The following NOTCH4 variants were observed in gnomAD, a reference collection of about 807,000 sequenced individuals.
NOTCH4 encodes the protein neurogenic locus notch homolog protein 4.
A neutral mutation model predicts 189.0 loss-of-function variants in NOTCH4; 138 were observed. The observed-to-expected ratio is 0.73, with a 90% CI of 0.64 to 0.84. NOTCH4 has a LOEUF of 0.84. Among genes scored for constraint, NOTCH4 ranks in the 40% least tolerant of loss-of-function variants. The pLI, the probability that NOTCH4 is intolerant of heterozygous loss-of-function variation, is 0.00. For synonymous variants in NOTCH4, 942 were observed against 1,032.8 expected (o/e 0.91, Z 1.69); for missense variants, 2,286 against 2,605.4 (o/e 0.88, Z 2.67).
chr6:32,195,364 A>T lies in NOTCH4; in HGVS notation c.*73T>A. Reference sequence around the variant, plus strand: ...CCTTCATTTTGGGGGATCCATCTTAAAACCAGGAAGGCCTTCCAGCCTGCC... The same window carrying T: ...CCTTCATTTTGGGGGATCCATCTTATAACCAGGAAGGCCTTCCAGCCTGCC... On this transcript the variant is annotated 3_prime_UTR_variant, in exon 30 of 30. Coordinates refer to ENST00000375023, the MANE Select transcript of NOTCH4 (RefSeq NM_004557.4). The surrounding 1 kb of genome is among the most constrained non-coding windows in gnomAD (Gnocchi z 5.4). 2 of 1,433,076 alleles carry T rather than the reference A, an allele frequency of 1.4e-6. No individual in the cohort carries two copies. Among genetic ancestry groups the T allele is most frequent in the Non-Finnish European group, 1.9e-6 (2 of 1,065,724 alleles). 88.8% of individuals were successfully genotyped at this position (1,433,076 alleles called of 1,614,324 possible).
rs1312875142 is a variant in NOTCH4 at position 32,210,987 on chromosome 6, G to GC, written c.2681-52dup. The GC allele has an allele frequency of 6.6e-7, 1 of 1,508,708 alleles. No homozygotes were observed. The highest frequency in any genetic ancestry group is 8.9e-7 in the Non-Finnish European group (1 of 1,124,086). 93.5% of individuals were successfully genotyped at this position (1,508,708 alleles called of 1,614,324 possible). On this transcript the variant is annotated intron_variant, in intron 17 of 29. Coordinates refer to ENST00000375023, the MANE Select transcript of NOTCH4 (RefSeq NM_004557.4). This position sits in a 1 kb window ranked among gnomAD's most constrained non-coding sequence, Gnocchi z 4.8. Reference sequence around the variant, plus strand: ...TACAAAGATAAGTGGGGGGCCGGGCGCCATGGCTTACGCCTGTAATCCCAG... The same window carrying GC: ...TACAAAGATAAGTGGGGGGCCGGGCGCCCATGGCTTACGCCTGTAATCCCAG...
In NOTCH4 at chr6:32,201,938, G is replaced by A. The variant is rs903685342; in HGVS notation, c.3755+138C>T. On this transcript the variant is annotated intron_variant, in intron 21 of 29. Coordinates refer to ENST00000375023, the MANE Select transcript of NOTCH4 (RefSeq NM_004557.4). This position sits in a 1 kb window ranked among gnomAD's most constrained non-coding sequence, Gnocchi z 5.5. ...TTGGAGTCCAGAGTCTTCGACCCCT[G>A]TTTAGTGATGGTTATTAGGGTGGAA... 54 of 783,298 alleles carry A rather than the reference G, an allele frequency of 6.9e-5. No homozygotes were observed. Among genetic ancestry groups the A allele is most frequent in the Non-Finnish European group, 9.2e-5 (51 of 555,932 alleles). 48.5% of individuals were successfully genotyped at this position (783,298 alleles called of 1,614,324 possible).
chr6:32,203,928 T>C, intron 19 of NOTCH4, 46 bp from the exon 20 acceptor site: 1 of 1,506,688 alleles, frequency 6.6e-7, no homozygotes, highest in Non-Finnish European at 9.0e-7. Flanking sequence ...CATCAGTCAC[T>C]GCCTCCATCC....
rs375759616 is a variant in NOTCH4 at position 32,219,569 on chromosome 6, C to T, written c.1510+23G>A. On this transcript the variant is annotated intron_variant, in intron 8 of 29. Transcript: ENST00000375023. ...AGGACTAGTTCCCTGTTTTCCCCAC[C>T]CAAGGCCCCATCCAGCTGATACCTG... 2.8e-5 allele frequency: 45 copies of T among 1,607,030 alleles called. No homozygotes were observed. In the African/African-American group the frequency reaches 4.7e-4, roughly 17 times the overall value.
At position 32,214,877 on chromosome 6, in the gene NOTCH4, C is replaced by T. The variant is rs188629123; in HGVS notation, c.2021+349G>A. 5.8e-3 allele frequency among the ~76,000 whole-genome samples: 878 copies of T among 152,306 alleles called. 3 individuals are homozygous for T. Among genetic ancestry groups the T allele is most frequent in the African/African-American group, 0.017 (709 of 41,554 alleles). Reference sequence around the variant, plus strand: ...CTGATCTCAGGTGATCCGCCCACCTCGGCCTCCCAAAGTGCTGGGATTACC... The same window carrying T: ...CTGATCTCAGGTGATCCGCCCACCTTGGCCTCCCAAAGTGCTGGGATTACC... On this transcript the variant is annotated intron_variant, in intron 12 of 29. Transcript: ENST00000375023.
In NOTCH4 at chr6:32,198,218, G is replaced by A. The variant is rs1788081985; in HGVS notation, c.4756+203C>T. ...TTTAAATTCCTGAGTCAGTAGCTCT[G>A]TAGTGGAGCCCAATAATTTGCATTT... On this transcript the variant is annotated intron_variant, in intron 26 of 29. Transcript: ENST00000375023. This position sits in a 1 kb window ranked among gnomAD's most constrained non-coding sequence, Gnocchi z 5.5. 1.3e-5 allele frequency among the ~76,000 whole-genome samples: 2 copies of A among 152,220 alleles called. No individual in the cohort carries two copies. The highest frequency in any genetic ancestry group is 6.5e-5 in the Admixed American group (1 of 15,284).
In NOTCH4 at chr6:32,219,801, G is replaced by C; in HGVS notation, c.1316-15C>G. On this transcript the variant is annotated splice_polypyrimidine_tract_variant and intron_variant, in intron 7 of 29. Transcript: ENST00000375023. Reference sequence around the variant, plus strand: ...GCCTTGCTGGGCTGGGAGGAGAGAAGAGCTGGGAGTCCACAGGGGTCAGGG... The same window carrying C: ...GCCTTGCTGGGCTGGGAGGAGAGAACAGCTGGGAGTCCACAGGGGTCAGGG... The C allele has an allele frequency of 6.2e-7, 1 of 1,607,088 alleles. No individual in the cohort carries two copies. The highest frequency in any genetic ancestry group is 8.5e-7 in the Non-Finnish European group (1 of 1,176,502).
chr6:32,220,281 A>C lies in NOTCH4; in HGVS notation c.1163T>G (p.Leu388Arg). 1.2e-6 allele frequency: 2 copies of C among 1,612,332 alleles called. No individual in the cohort carries two copies. Among genetic ancestry groups the C allele is most frequent in the Non-Finnish European group, 1.7e-6 (2 of 1,178,890 alleles). Residue 388 changes from leucine to arginine, a missense_variant, in exon 7 of 30, where the codon CTC becomes CGC. Physicochemically the swap from Leu to Arg is moderately radical, Grantham distance 102 (BLOSUM62 -2). This residue lies in a region of NOTCH4 where 1,903 missense variants were observed against 2,261.9 expected (regional missense o/e 0.84). Coordinates refer to ENST00000375023, the MANE Select transcript of NOTCH4 (RefSeq NM_004557.4). The stretch of plus-strand genomic sequence containing the variant: ...ACACATGTCTTCCAAGTGGCACAGG[A>C]GTCCTGGAGGGGTAAGAGGGGGTGA... ...SCLCPPGRTG[L>R]LCHLEDMCLS...
Position 32,195,647 on chromosome 6 carries a change from G to A in NOTCH4, c.5802C>T (p.Tyr1934=), listed in dbSNP as rs753965323. The A allele has an allele frequency of 1.2e-5, 20 of 1,612,820 alleles. No homozygotes were observed. In the African/African-American group the frequency reaches 2.3e-4, roughly 18 times the overall value. ...RPNPAIMRGR[Y]GVAAGRGGRV... is the part of the protein sequence containing the mutation. ...TGCCTCCGCGCCCGGCAGCCACTCC[G>A]TATCTTCCTCGCATTATCGCAGGGT... Residue 1934 remains tyrosine, a synonymous_variant, in exon 30 of 30, where the codon TAC becomes TAT. Transcript: ENST00000375023. The surrounding 1 kb of genome is among the most constrained non-coding windows in gnomAD (Gnocchi z 5.4).
At position 32,223,881 on chromosome 6, in the gene NOTCH4, T is replaced by TAGC. The variant is rs35795312; in HGVS notation, c.45_47dup (p.Leu16dup). 123,522 of 1,578,410 alleles carry TAGC rather than the reference T, an allele frequency of 0.078. 4,640 individuals are homozygous for TAGC. The highest frequency in any genetic ancestry group is 0.16 in the Middle Eastern group (961 of 5,940). ...CTCTGGGTCTGACCACTGAGACACATAGCAGCAGCAGCAGCAGCAGCAGCA... is the reference window on the plus strand; with the variant it reads ...CTCTGGGTCTGACCACTGAGACACATAGCAGCAGCAGCAGCAGCAGCAGCAGCA... On this transcript the variant is annotated inframe_insertion, in exon 1 of 30. Coordinates refer to ENST00000375023, the MANE Select transcript of NOTCH4 (RefSeq NM_004557.4).
Position 32,207,862 on chromosome 6 carries a change from G to T in NOTCH4, c.2865+2890C>A, listed in dbSNP as rs571389114. Among the ~76,000 whole-genome samples the T allele has an allele frequency of 3.3e-5, 5 of 151,896 alleles. No homozygotes were observed. In the Middle Eastern group the frequency reaches 0.01, roughly 310 times the overall value. The stretch of plus-strand genomic sequence containing the variant: ...ACTAAAAATACAAAAAAATAGCTGG[G>T]CGTGGTGGTGGGCACCTGTAAATTC... On this transcript the variant is annotated intron_variant, in intron 18 of 29. Coordinates refer to ENST00000375023, the MANE Select transcript of NOTCH4 (RefSeq NM_004557.4).
At chr6:32,223,111 T>C in intron 1 of NOTCH4, 25 bp from the exon 2 acceptor site, 1 of 1,585,660 alleles carries the variant, frequency 6.3e-7, no homozygotes, top group South Asian at 1.1e-5. Context: ...GCAGGCGCAA[T>C]GGAAGCCCTG....
chr6:32,224,012 C>T lies in NOTCH4; in HGVS notation c.-84G>A. 1 of 1,366,916 alleles carries T rather than the reference C, an allele frequency of 7.3e-7. No homozygotes were observed. The highest frequency in any genetic ancestry group is 2.2e-4 in the Middle Eastern group (1 of 4,494). The allele number at this position is 1,366,916 out of a possible 1,614,324, so 84.7% of individuals were successfully genotyped here. A position where few individuals can be genotyped will look rare whatever the true frequency, so the allele number is the denominator to read the frequency against. On this transcript the variant is annotated 5_prime_UTR_variant, in exon 1 of 30. Coordinates refer to ENST00000375023, the MANE Select transcript of NOTCH4 (RefSeq NM_004557.4). Reference sequence around the variant, plus strand: ...GCTCTCACTGGGGCAGGAGCCACCTCCTCTGCTCCCACTGCCCCTCTTCTT... The same window carrying T: ...GCTCTCACTGGGGCAGGAGCCACCTTCTCTGCTCCCACTGCCCCTCTTCTT...
At position 32,210,518 on chromosome 6, in the gene NOTCH4, G is replaced by C. The variant is rs1300074367; in HGVS notation, c.2865+234C>G. Among the ~76,000 whole-genome samples the C allele has an allele frequency of 1.3e-5, 2 of 152,228 alleles. No homozygotes were observed. On this transcript the variant is annotated intron_variant, in intron 18 of 29. Transcript: ENST00000375023. This position sits in a 1 kb window ranked among gnomAD's most constrained non-coding sequence, Gnocchi z 4.8. ...GGAGGCTGATGCAAGTATCTATCTG[G>C]AACGCAACAAAGGTCAGGACTCAGG...
rs28383875 is a variant in NOTCH4, at chr6:32,214,484, T to TATATATATAC, written c.2022-230_2022-229insGTATATATAT. Among the ~76,000 whole-genome samples, 291 of 141,256 alleles carry TATATATATAC rather than the reference T, an allele frequency of 2.1e-3. 4 individuals are homozygous for TATATATATAC. The highest frequency in any genetic ancestry group is 7.6e-3 in the African/African-American group (274 of 36,200). 92.7% of individuals were successfully genotyped at this position (141,256 alleles called of 152,430 possible). ...AGTTGGAGATATATATATATATATATACACACATATATATTCTTTCTGTAA... is the reference window on the plus strand; with the variant it reads ...AGTTGGAGATATATATATATATATATATATATATACACACACATATATATTCTTTCTGTAA... On this transcript the variant is annotated intron_variant, in intron 12 of 29. Transcript: ENST00000375023.
intron 18 of NOTCH4, among the ~76,000 whole-genome samples, chr6:32,206,744 C>T (rs893711628): frequency 1.3e-5 from 2 of 151,910 alleles, no homozygotes; most frequent in African/African-American, 2.4e-5. Flanking sequence ...CCAAAGCAGT[C>T]CTGAGCAAAA....
intron 18 of NOTCH4, among the ~76,000 whole-genome samples, chr6:32,207,481 G>A (rs550254830): frequency 7.4e-4 from 111 of 150,828 alleles, no homozygotes; most frequent in Non-Finnish European, 1.2e-3. Flanking sequence ...AAAATTAGCC[G>A]GGCGTAGTGG....
In NOTCH4 at chr6:32,217,009, G is replaced by C. The variant is rs753371496; in HGVS notation, c.1797C>G (p.Pro599=). The C allele has an allele frequency of 1.9e-6, 3 of 1,613,076 alleles. No individual in the cohort carries two copies. The highest frequency in any genetic ancestry group is 1.7e-6 in the Non-Finnish European group (2 of 1,180,030). Residue 599 remains proline (P), a synonymous_variant, in exon 11 of 30, where the codon CCC becomes CCG. Transcript: ENST00000375023. The surrounding 1 kb of genome is among the most constrained non-coding windows in gnomAD (Gnocchi z 4.2). ...EVDECLSDPC[P]VGASCLDLPG... ...GAAGATCAAGGCAGCTGGCTCCAAC[G>C]GGACATGGGTCACTCAGGCACTCAT...
chr6:32,195,307 A>G lies in NOTCH4; in HGVS notation c.*130T>C, dbSNP rs759565461. 11 of 855,510 alleles carry G rather than the reference A, an allele frequency of 1.3e-5. No individual in the cohort carries two copies. Among genetic ancestry groups the G allele is most frequent in the Non-Finnish European group, 1.9e-5 (11 of 568,512 alleles). 53.0% of individuals were successfully genotyped at this position (855,510 alleles called of 1,614,324 possible). On this transcript the variant is annotated 3_prime_UTR_variant, in exon 30 of 30. Transcript: ENST00000375023. This position sits in a 1 kb window ranked among gnomAD's most constrained non-coding sequence, Gnocchi z 5.4. ...AAGATGTCTGCTCTGGTGGGCATAC[A>G]TTCATTTTAGGAGAGAAACTAAACT...
Sources: allele counts gnomAD v4.1 joint callset (sites outside exome capture counted in the v4.1 genomes callset), GRCh38; gene constraint gnomAD v4.1.1; regional missense constraint gnomAD v4.1.1; non-coding constraint Gnocchi (gnomAD v3.1); transcripts MANE v1.5; gene names NCBI Gene and HGNC (gene_info 2026-07-23, HGNC 2026-07-21).